Variants in RIMS2 observed in about 807,000 individuals in gnomAD.
RIMS2 encodes regulating synaptic membrane exocytosis protein 2.
Under a neutral mutation model 174.4 loss-of-function variants are expected in RIMS2, and 59 were observed. That is an observed-to-expected ratio of 0.34 (90% CI 0.27 to 0.42). The LOEUF (loss-of-function observed/expected upper bound fraction) is 0.42, where lower values mean the gene tolerates loss of function less well. Among genes scored for constraint, RIMS2 ranks in the 10% least tolerant of loss-of-function variants. The probability of loss-of-function intolerance (pLI) is 1.00; values close to 1 mark genes in which losing one functional copy is unlikely to be tolerated. For missense variants in RIMS2, 1,620 were observed against 1,666.3 expected (o/e 0.97, Z 0.48); for synonymous variants, 606 against 572.5 (o/e 1.06, Z -0.84).
intron 1 of RIMS2, among the ~76,000 whole-genome samples, chr8:103,691,432 ATTCT>A (rs1301675007): frequency 1.3e-5 from 2 of 152,048 alleles, no homozygotes; most frequent in African/African-American, 2.4e-5. Flanking sequence ...AAGGTCACTA[ATTCT>A]TTCTTCTACT....
chr8:104,148,650 G>C, intron 19 of RIMS2: 1 of 1,598,176 alleles, frequency 6.3e-7, no homozygotes, highest in Non-Finnish European at 8.5e-7. Context: ...GGGCATATCA[G>C]GGAAGAACAT....
intron 19 of RIMS2, among the ~76,000 whole-genome samples, chr8:104,229,733 C>T (rs1219211553): frequency 6.6e-6 from 1 of 152,152 alleles, no homozygotes; most frequent in Non-Finnish European, 1.5e-5. Context: ...CACAGTTCCA[C>T]CCACACTGCA....
intron 19 of RIMS2, among the ~76,000 whole-genome samples, chr8:104,240,910 TACTC>T: frequency 6.6e-6 from 1 of 152,264 alleles, no homozygotes; most frequent in South Asian, 2.1e-4. Context: ...TTTTCCTTAA[TACTC>T]ACAAAAATTC....
At chr8:103,956,025 C>T (rs750495217) in intron 14 of RIMS2, among the ~76,000 whole-genome samples, 10 of 152,052 alleles carry the variant, frequency 6.6e-5, no homozygotes, top group South Asian at 4.1e-4. Flanking sequence ...AAAAAAGATA[C>T]GTAGGAATCC....
intron 3 of RIMS2, among the ~76,000 whole-genome samples, chr8:103,767,608 C>T (rs966112930): frequency 2.0e-5 from 3 of 152,164 alleles, no homozygotes; most frequent in African/African-American, 7.2e-5. Context: ...TCATGCATTC[C>T]TGCAGAAACA....
chr8:104,026,951 T>C (rs541057506), intron 19 of RIMS2, among the ~76,000 whole-genome samples: 1 of 152,302 alleles, frequency 6.6e-6, no homozygotes, highest in East Asian at 1.9e-4. Context: ...TTCCTAAGTA[T>C]ATCATTCCCT....
Position 104,148,588 on chromosome 8 carries a change from A to G in RIMS2, c.3335-96328A>G, listed in dbSNP as rs760903146. 4 of 1,589,148 alleles carry G rather than the reference A, an allele frequency of 2.5e-6. No homozygotes were observed. The highest frequency in any genetic ancestry group is 2.2e-5 in the East Asian group (1 of 44,688). On this transcript the variant is annotated intron_variant, in intron 19 of 23. Transcript: ENST00000504942. ...CTTTTTACTCTTGTCCTCACTTTTA[A>G]TGATCCATCGGCTGACAGTGTCTTT... is the stretch of plus-strand genomic sequence containing the variant.
chr8:103,545,960 G>T (rs1844855768), intron 1 of RIMS2, among the ~76,000 whole-genome samples: 1 of 152,114 alleles, frequency 6.6e-6, no homozygotes, highest in Admixed American at 6.5e-5. Context: ...ACACTATAAT[G>T]CAACCACACA....
intron 4 of RIMS2, among the ~76,000 whole-genome samples, chr8:103,909,533 T>C (rs899934466): frequency 3.3e-5 from 5 of 152,124 alleles, no homozygotes; most frequent in Admixed American, 3.3e-4. Context: ...TAATAGATAT[T>C]GAATGAACCT....
chr8:103,539,626 T>C lies in RIMS2; in HGVS notation c.176+38564T>C, dbSNP rs140529109. On this transcript the variant is annotated intron_variant, in intron 1 of 23. Transcript: ENST00000504942. ...GCCTGCTCCACAGAGCATACAGGCA[T>C]TTTTTGCCACCAAGGCAACCAACAG... is the stretch of plus-strand genomic sequence containing the variant. Among the ~76,000 whole-genome samples, 940 of 152,290 alleles carry C rather than the reference T, an allele frequency of 6.2e-3. 12 individuals carry two copies. Among genetic ancestry groups the C allele is most frequent in the African/African-American group, 0.021 (890 of 41,560 alleles).
chr8:103,532,828 A>G (rs1251418687), intron 1 of RIMS2, among the ~76,000 whole-genome samples: 2 of 152,248 alleles, frequency 1.3e-5, no homozygotes, highest in Admixed American at 6.5e-5. Flanking sequence ...TAGTGAGTAC[A>G]TATCATGTCA....
At chr8:104,213,570 T>C (rs1057211613) in intron 19 of RIMS2, among the ~76,000 whole-genome samples, 1 of 152,082 alleles carries the variant, frequency 6.6e-6, no homozygotes, top group Non-Finnish European at 1.5e-5. Flanking sequence ...TAATATCTGT[T>C]GAACAGATAG....
chr8:103,664,239 A>G (rs1246202952), intron 1 of RIMS2, among the ~76,000 whole-genome samples: 3 of 152,258 alleles, frequency 2.0e-5, no homozygotes, highest in Non-Finnish European at 4.4e-5. Context: ...CATGACTAAA[A>G]CACCGAAAGC....
chr8:104,154,718 C>T (rs114068313), intron 19 of RIMS2, among the ~76,000 whole-genome samples: 260 of 152,312 alleles, frequency 1.7e-3, no homozygotes, highest in African/African-American at 6.0e-3. Context: ...CAGGCATCTG[C>T]GCTCTTTTCA....
At chr8:104,044,346 A>C (rs2154557985) in intron 19 of RIMS2, among the ~76,000 whole-genome samples, 1 of 151,736 alleles carries the variant, frequency 6.6e-6, no homozygotes, top group Admixed American at 6.6e-5. Context: ...ATTTAGTAGT[A>C]GCAAAACAAG....
At chr8:103,701,532 T>C (rs1445122556) in intron 2 of RIMS2, among the ~76,000 whole-genome samples, 1 of 152,070 alleles carries the variant, frequency 6.6e-6, no homozygotes, top group African/African-American at 2.4e-5. Context: ...CTTTTTTCTA[T>C]CTAACTATAT....
intron 19 of RIMS2, among the ~76,000 whole-genome samples, chr8:104,092,914 T>C (rs952830536): frequency 6.6e-6 from 1 of 152,024 alleles, no homozygotes; most frequent in Non-Finnish European, 1.5e-5. Context: ...ATCTGACTAT[T>C]TCAATTCCAG....
intron 19 of RIMS2, chr8:104,093,482 A>T: frequency 1.3e-6 from 2 of 1,596,254 alleles, no homozygotes; most frequent in Non-Finnish European, 1.7e-6. Context: ...ATCGATCAGG[A>T]TGGGATCCTC....
chr8:103,855,295 TAAC>T (rs2099021758), intron 3 of RIMS2, among the ~76,000 whole-genome samples: 1 of 151,970 alleles, frequency 6.6e-6, no homozygotes, highest in African/African-American at 2.4e-5. Context: ...TTTTTTCAAG[TAAC>T]AAACTCTTGG....
Sources: allele counts gnomAD v4.1 joint callset (sites outside exome capture counted in the v4.1 genomes callset), GRCh38; gene constraint gnomAD v4.1.1; transcripts MANE v1.5; gene names NCBI Gene and HGNC (gene_info 2026-07-23, HGNC 2026-07-21).